Variants in SZT2 observed in about 807,000 individuals in gnomAD.
SZT2 encodes the protein KICSTOR complex protein SZT2.
A neutral mutation model predicts 404.2 loss-of-function variants in SZT2; 216 were observed. The ratio of observed to expected loss-of-function variants is 0.53; its 90% CI spans 0.48 to 0.60. The LOEUF is 0.60. Ranked by LOEUF, SZT2 falls within the 20% of genes least tolerant of loss-of-function variation. The pLI is 0.00. For missense variants in SZT2, 3,857 were observed against 4,459.2 expected (o/e 0.86, Z 3.85); for synonymous variants, 1,693 against 1,749.9 (o/e 0.97, Z 0.81).
At position 43,420,909 on chromosome 1, in the gene SZT2, C is replaced by T; in HGVS notation, c.1422C>T (p.Ser474=). ...EGGYDILHDV[S]CALRQPIRSL... ...GCTACGACATTTTGCATGATGTGTC[C>T]TGTGCACTAAGGCAGCCCATTCGTT... The change falls in exon 10 of 72, where the codon TCC becomes TCT. Residue 474 remains serine, a synonymous_variant. Coordinates refer to ENST00000634258, the MANE Select transcript of SZT2 (RefSeq NM_001365999.1). This position sits in a 1 kb window ranked among gnomAD's most constrained non-coding sequence, Gnocchi z 5.1. 6.3e-7 allele frequency: 1 copy of T among 1,598,466 alleles called. No individual in the cohort carries two copies. Among genetic ancestry groups the T allele is most frequent in the Non-Finnish European group, 8.5e-7 (1 of 1,179,806 alleles).
At chr1:43,435,411 G>A (rs891918005) in intron 42 of SZT2, 82 bp downstream of exon 42, 2 of 1,495,062 alleles carry the variant, frequency 1.3e-6, no homozygotes, top group Non-Finnish European at 1.8e-6. Context: ...AAAGCTGAGG[G>A]CAGAGTCCTC....
rs1012152064 is a variant in SZT2 at position 43,426,881 on chromosome 1, A to C, written c.3309+72A>C. 3 of 1,566,026 alleles carry C rather than the reference A, an allele frequency of 1.9e-6. No homozygotes were observed. The highest frequency in any genetic ancestry group is 2.6e-6 in the Non-Finnish European group (3 of 1,142,096). ...TCCAGCACCACATCTTCAGGCCCCA[A>C]CCTTCTACCGCCCTTGAGACTAAAT... is the stretch of plus-strand genomic sequence containing the variant. On this transcript the variant is annotated intron_variant, in intron 23 of 71. Coordinates refer to ENST00000634258, the MANE Select transcript of SZT2 (RefSeq NM_001365999.1). This position sits in a 1 kb window ranked among gnomAD's most constrained non-coding sequence, Gnocchi z 4.9.
Position 43,450,705 on chromosome 1 carries a change from A to G in SZT2, c.*225A>G. The G allele has an allele frequency of 6.9e-6, 5 of 729,218 alleles. No homozygotes were observed. The highest frequency in any genetic ancestry group is 3.5e-5 in the African/African-American group (2 of 56,934). The allele number at this position is 729,218 out of a possible 1,614,324, so 45.2% of individuals were successfully genotyped here. A position where few individuals can be genotyped will look rare whatever the true frequency, so the allele number is the denominator to read the frequency against. On this transcript the variant is annotated 3_prime_UTR_variant, in exon 72 of 72. Coordinates refer to ENST00000634258, the MANE Select transcript of SZT2 (RefSeq NM_001365999.1). The surrounding 1 kb of genome is among the most constrained non-coding windows in gnomAD (Gnocchi z 4.3). The stretch of plus-strand genomic sequence containing the variant: ...GCCACTGACCCATCCAGGACTCCAG[A>G]GAGTCAGGTCAACCCCGAGGACCCC...
At chr1:43,417,711 A>G (rs1451402695) in intron 7 of SZT2, among the ~76,000 whole-genome samples, 1 of 152,196 alleles carries the variant, frequency 6.6e-6, no homozygotes, top group East Asian at 1.9e-4. Context: ...AATGGCTGCT[A>G]TTTGTAGCAG....
chr1:43,394,649 C>T (rs954803390), intron 1 of SZT2, among the ~76,000 whole-genome samples: 7 of 152,072 alleles, frequency 4.6e-5, no homozygotes, highest in African/African-American at 7.2e-5. Flanking sequence ...GAGGCTGAGG[C>T]GGGTGGATCA....
At position 43,434,428 on chromosome 1, in the gene SZT2, C is replaced by G. The variant is rs1479508664; in HGVS notation, c.5847C>G (p.Arg1949=). The change falls in exon 41 of 72, where the codon CGC becomes CGG. Residue 1949 remains arginine (R), a synonymous_variant. Coordinates refer to ENST00000634258, the MANE Select transcript of SZT2 (RefSeq NM_001365999.1). ...REDGGPGTEC[R]HLQQLLVRRV... ...ATGGGGGGCCGGGCACTGAGTGTCG[C>G]CACCTGCAGCAGCTCCTGGTGAGGC... The G allele has an allele frequency of 6.3e-7, 1 of 1,598,906 alleles. No individual in the cohort carries two copies. The highest frequency in any genetic ancestry group is 8.5e-7 in the Non-Finnish European group (1 of 1,174,422).
chr1:43,420,445 G>A lies in SZT2; in HGVS notation c.1261+122G>A, dbSNP rs914543043. On this transcript the variant is annotated intron_variant, in intron 9 of 71. Transcript: ENST00000634258. The surrounding 1 kb of genome is among the most constrained non-coding windows in gnomAD (Gnocchi z 5.1). ...GAAGTCCTTATCACTTGAGACAGTGGGTTTTGAATTGTCATCAGGGCTTAA... is the reference window on the plus strand; with the variant it reads ...GAAGTCCTTATCACTTGAGACAGTGAGTTTTGAATTGTCATCAGGGCTTAA... 5.5e-6 allele frequency: 7 copies of A among 1,282,518 alleles called. No individual in the cohort carries two copies. The Admixed American group carries it at 8.4e-5, about 15-fold the overall frequency. 79.4% of individuals were successfully genotyped at this position (1,282,518 alleles called of 1,614,324 possible). A position where few individuals can be genotyped will look rare whatever the true frequency, so the allele number is the denominator to read the frequency against.
chr1:43,403,542 C>A, intron 2 of SZT2, 59 bp from the exon 3 acceptor site: 1 of 1,571,396 alleles, frequency 6.4e-7, no homozygotes, highest in South Asian at 1.1e-5. Flanking sequence ...GAAGGCAGGT[C>A]CTGGGAAGAA....
rs776584929 is a variant in SZT2, at chr1:43,450,421, C to T, written c.10240C>T (p.His3414Tyr). ...CCCTGCCCAACTGGTCTCCACCTAC[C>T]ACCACCTGGAGTCTGTCATCAACAC... ...SPPAQLVSTY[H>Y]HLESVINTAC... The change falls in exon 72 of 72, where the codon CAC becomes TAC. Residue 3414 changes from histidine (H) to tyrosine (Y), a missense_variant. Physicochemically the swap from His to Tyr is moderately conservative, Grantham distance 83. This residue lies in a region of SZT2 where 717 missense variants were observed against 868.2 expected (regional missense o/e 0.83). Coordinates refer to ENST00000634258, the MANE Select transcript of SZT2 (RefSeq NM_001365999.1). The surrounding 1 kb of genome is among the most constrained non-coding windows in gnomAD (Gnocchi z 4.3). 1.5e-5 allele frequency: 25 copies of T among 1,614,118 alleles called. No homozygotes were observed. The highest frequency in any genetic ancestry group is 2.0e-5 in the Non-Finnish European group (24 of 1,179,992).
rs968468172 is a variant in SZT2, at chr1:43,422,763, C to G, written c.1923-6C>G. On this transcript the variant is annotated splice_region_variant and splice_polypyrimidine_tract_variant and intron_variant, in intron 13 of 71. Coordinates refer to ENST00000634258, the MANE Select transcript of SZT2 (RefSeq NM_001365999.1). Reference sequence around the variant, plus strand: ...GGGCTGCTCACTGACTCCCATTTCTCCCCAGTGCCCCAGACCAGCCCCCCA... The same window carrying G: ...GGGCTGCTCACTGACTCCCATTTCTGCCCAGTGCCCCAGACCAGCCCCCCA... 1 of 1,572,952 alleles carries G rather than the reference C, an allele frequency of 6.4e-7. No homozygotes were observed. The highest frequency in any genetic ancestry group is 1.1e-5 in the South Asian group (1 of 87,232).
chr1:43,450,218 C>A lies in SZT2; in HGVS notation c.10155+47C>A, dbSNP rs1408056274. On this transcript the variant is annotated intron_variant, in intron 71 of 71. Coordinates refer to ENST00000634258, the MANE Select transcript of SZT2 (RefSeq NM_001365999.1). This position sits in a 1 kb window ranked among gnomAD's most constrained non-coding sequence, Gnocchi z 4.3. The stretch of plus-strand genomic sequence containing the variant: ...TGTGTCAGCCTCATGGGAGGCCGTA[C>A]CCCAAATGCTCCACCTCGGAGCCTG... 1 of 1,613,676 alleles carries A rather than the reference C, an allele frequency of 6.2e-7. No individual in the cohort carries two copies. The highest frequency in any genetic ancestry group is 1.3e-5 in the African/African-American group (1 of 74,898).
chr1:43,392,263 T>C (rs1000303616), intron 1 of SZT2, among the ~76,000 whole-genome samples: 13 of 152,138 alleles, frequency 8.5e-5, no homozygotes, highest in African/African-American at 3.1e-4. Flanking sequence ...TAGTGTTGTA[T>C]TTTACACTGA....
intron 4 of SZT2, 93 bp downstream of exon 4, chr1:43,404,643 AAAG>A: frequency 7.3e-7 from 1 of 1,378,424 alleles, no homozygotes; most frequent in Non-Finnish European, 9.9e-7. Flanking sequence ...GTTTGTCCCC[AAAG>A]TCCCGAGCTC....
chr1:43,423,393 C>T (rs982006240), intron 15 of SZT2, 77 bp downstream of exon 15: 28 of 1,353,802 alleles, frequency 2.1e-5, no homozygotes, highest in East Asian at 1.2e-4. Context: ...TGGCTTAGCC[C>T]GGTGTGAGTA....
Position 43,425,349 on chromosome 1 carries a change from C to A in SZT2, c.2646-125C>A. On this transcript the variant is annotated intron_variant, in intron 18 of 71. Coordinates refer to ENST00000634258, the MANE Select transcript of SZT2 (RefSeq NM_001365999.1). This position sits in a 1 kb window ranked among gnomAD's most constrained non-coding sequence, Gnocchi z 4.3. The stretch of plus-strand genomic sequence containing the variant: ...TGCGGTGTTTAGATGCTTCATCAGG[C>A]AGACGCTGGTCTGGGAAGGCCTTGT... The A allele has an allele frequency of 6.6e-7, 1 of 1,508,284 alleles. No individual in the cohort carries two copies. Among genetic ancestry groups the A allele is most frequent in the African/African-American group, 1.4e-5 (1 of 72,954 alleles). 93.4% of individuals were successfully genotyped at this position (1,508,284 alleles called of 1,614,324 possible).
In SZT2 at chr1:43,430,952, A is replaced by G; in HGVS notation, c.4778A>G (p.Gln1593Arg). The G allele has an allele frequency of 6.2e-7, 1 of 1,612,690 alleles. No individual in the cohort carries two copies. Among genetic ancestry groups the G allele is most frequent in the African/African-American group, 1.3e-5 (1 of 74,978 alleles). The change falls in exon 33 of 72, where the codon CAG (glutamine) becomes CGG (arginine). Residue 1593 changes from glutamine to arginine, a missense_variant. Transcript: ENST00000634258. ...GCTAACTTTCCCCCTCTCCCAGGCC[A>G]GGTGCTTTCCAGTCTGGAGGGCCCC... ...PVCSLPTCLG[Q>R]VLSSLEGPPV...
Position 43,446,208 on chromosome 1 carries a change from C to T in SZT2, c.8946C>T (p.His2982=), listed in dbSNP as rs1242289577. 1 of 1,614,260 alleles carries T rather than the reference C, an allele frequency of 6.2e-7. No homozygotes were observed. Among genetic ancestry groups the T allele is most frequent in the Non-Finnish European group, 8.5e-7 (1 of 1,180,046 alleles). ...KSTSSPVTTY[H]LQRALPGGII... is the part of the protein sequence containing the mutation. ...CTAGCTCTCCGGTAACCACCTACCA[C>T]CTGCAGCGGGCACTGCCTGGGGGCA... Residue 2982 remains histidine (H), a synonymous_variant, in exon 64 of 72, where the codon CAC becomes CAT. Transcript: ENST00000634258.
chr1:43,429,694 A>T lies in SZT2; in HGVS notation c.4167-9A>T, dbSNP rs755916712. On this transcript the variant is annotated splice_polypyrimidine_tract_variant and intron_variant, in intron 28 of 71. Coordinates refer to ENST00000634258, the MANE Select transcript of SZT2 (RefSeq NM_001365999.1). ...TTAACACTTCAACATCCTTACCCCA[A>T]CCATTCAGCATAGAGACCGAGGACC... 3 of 1,613,988 alleles carry T rather than the reference A, an allele frequency of 1.9e-6. No individual in the cohort carries two copies. The South Asian group carries it at 3.3e-5, about 18-fold the overall frequency.
chr1:43,441,872 T>G lies in SZT2; in HGVS notation c.7742+54T>G. ...GAACTCCCCTAGACTTCCTAAAAGC[T>G]GGGCCTACAGGAAGCCAAACCTGAG... On this transcript the variant is annotated intron_variant, in intron 55 of 71. Coordinates refer to ENST00000634258, the MANE Select transcript of SZT2 (RefSeq NM_001365999.1). This position sits in a 1 kb window ranked among gnomAD's most constrained non-coding sequence, Gnocchi z 4.8. 1 of 1,604,336 alleles carries G rather than the reference T, an allele frequency of 6.2e-7. No homozygotes were observed.
Sources: allele counts gnomAD v4.1 joint callset (sites outside exome capture counted in the v4.1 genomes callset), GRCh38; gene constraint gnomAD v4.1.1; regional missense constraint gnomAD v4.1.1; non-coding constraint Gnocchi (gnomAD v3.1); transcripts MANE v1.5; gene names NCBI Gene and HGNC (gene_info 2026-07-23, HGNC 2026-07-21).